The following SH3RF1 variants were observed in gnomAD, a reference collection of about 807,000 sequenced individuals.
The protein encoded by SH3RF1 is SH3 domain containing ring finger 1, also known as E3 ubiquitin-protein ligase SH3RF1.
SH3RF1 carries 32 observed loss-of-function variants against 74.0 expected under a neutral mutation model. The observed-to-expected ratio is 0.43, with a 90% CI of 0.33 to 0.58. SH3RF1 has a LOEUF of 0.58. Among genes scored for constraint, SH3RF1 ranks in the 20% least tolerant of loss-of-function variants. The pLI is 0.05. For synonymous variants in SH3RF1, 396 were observed against 439.6 expected (o/e 0.90, Z 1.24); for missense variants, 954 against 1,130.9 (o/e 0.84, Z 2.24).
At chr4:169,195,981 T>C (rs1217437007) in intron 2 of SH3RF1, among the ~76,000 whole-genome samples, 1 of 152,108 alleles carries the variant, frequency 6.6e-6, no homozygotes, top group Non-Finnish European at 1.5e-5. Flanking sequence ...GACCAGGTAA[T>C]TTTTATATTT....
At chr4:169,260,043 G>A (rs1248049790) in intron 2 of SH3RF1, among the ~76,000 whole-genome samples, 3 of 152,162 alleles carry the variant, frequency 2.0e-5, no homozygotes, top group Non-Finnish European at 4.4e-5. Flanking sequence ...TAAATGGAGT[G>A]AGCGTCTGAC....
At chr4:169,123,189 A>T (rs892435099) in intron 6 of SH3RF1, among the ~76,000 whole-genome samples, 1 of 152,212 alleles carries the variant, frequency 6.6e-6, no homozygotes, top group East Asian at 1.9e-4. Context: ...CATATTAACA[A>T]AATAAAGATC....
chr4:169,129,774 A>G (rs1199345937), intron 6 of SH3RF1, among the ~76,000 whole-genome samples: 1 of 152,236 alleles, frequency 6.6e-6, no homozygotes, highest in Non-Finnish European at 1.5e-5. Context: ...AGCTTCAGAA[A>G]ATCAGGTTGA....
intron 2 of SH3RF1, among the ~76,000 whole-genome samples, chr4:169,209,624 A>G (rs1030768547): frequency 1.2e-4 from 18 of 152,200 alleles, no homozygotes; most frequent in African/African-American, 4.1e-4. Context: ...AGTAAACAAT[A>G]TAAGTTCAAA....
At position 169,096,448 on chromosome 4, in the gene SH3RF1, T is replaced by A; in HGVS notation, c.*71A>T. 1 of 1,524,220 alleles carries A rather than the reference T, an allele frequency of 6.6e-7. No homozygotes were observed. Among genetic ancestry groups the A allele is most frequent in the South Asian group, 1.3e-5 (1 of 79,750 alleles). 94.4% of individuals were successfully genotyped at this position (1,524,220 alleles called of 1,614,324 possible). On this transcript the variant is annotated 3_prime_UTR_variant, in exon 12 of 12. Transcript: ENST00000284637. ...ACCATCTGGAAGTCCACAAATGTGCTCTTTCTGTTAAACTGCTTTGTGCTA... is the reference window on the plus strand; with the variant it reads ...ACCATCTGGAAGTCCACAAATGTGCACTTTCTGTTAAACTGCTTTGTGCTA...
chr4:169,252,041 T>C (rs940587992), intron 2 of SH3RF1, among the ~76,000 whole-genome samples: 2 of 152,212 alleles, frequency 1.3e-5, no homozygotes, highest in African/African-American at 4.8e-5. Context: ...GAGCGAGGAC[T>C]CTGGTATGTT....
chr4:169,139,612 T>A (rs1733751633), intron 4 of SH3RF1, among the ~76,000 whole-genome samples: 2 of 152,218 alleles, frequency 1.3e-5, no homozygotes, highest in Admixed American at 1.3e-4. Context: ...TAGTTATGTG[T>A]CTTTTGGTGG....
intron 2 of SH3RF1, among the ~76,000 whole-genome samples, chr4:169,191,574 C>T (rs1734710956): frequency 6.6e-6 from 1 of 151,976 alleles, no homozygotes; most frequent in Non-Finnish European, 1.5e-5. Context: ...CAAAAAAGAA[C>T]CAATAAAGCC....
Position 169,248,765 on chromosome 4 carries a change from C to T in SH3RF1, c.393+20055G>A, listed in dbSNP as rs181814314. 1.1e-3 allele frequency among the ~76,000 whole-genome samples: 175 copies of T among 152,318 alleles called. 3 individuals carry two copies. The highest frequency in any genetic ancestry group is 0.011 in the Admixed American group (163 of 15,302). On this transcript the variant is annotated intron_variant, in intron 2 of 11. Transcript: ENST00000284637. ...CACCTGGTGGGTGTTTGTGACTATT[C>T]AGACACAGACAACAAAGGCTACTCC...
Position 169,107,199 on chromosome 4 carries a change from T to C in SH3RF1, c.2146A>G (p.Lys716Glu), listed in dbSNP as rs2126938214. 2 of 1,537,400 alleles carry C rather than the reference T, an allele frequency of 1.3e-6. No homozygotes were observed. The highest frequency in any genetic ancestry group is 1.4e-5 in the African/African-American group (1 of 70,728). ...GAAAGCAACTTCAACAAACCCTTTT[T>C]TTCTTTCTGGAAAAAAAAAATAATG... Reference protein sequence around the residue: ...TKPDKDSKKEKKGLLKLLSGA... With the variant: ...TKPDKDSKKEEKGLLKLLSGA... The change falls in exon 11 of 12, where the codon AAA becomes GAA. Residue 716 changes from lysine to glutamate, a missense_variant. Physicochemically the swap from Lys to Glu is moderately conservative, Grantham distance 56. Transcript: ENST00000284637.
Position 169,156,615 on chromosome 4 carries a change from A to C in SH3RF1, c.458T>G (p.Leu153Arg). ...GATGATGTCACCTTTGCTGAATTTA[A>C]GGTCTCCAGGCTCTTTTCCTTCATA... ...YNYEGKEPGD[L>R]KFSKGDIIIL... Residue 153 changes from leucine (L) to arginine (R), a missense_variant, in exon 3 of 12, where the codon CTT (leucine) becomes CGT (arginine). Physicochemically the swap from Leu to Arg is moderately radical, Grantham distance 102. Coordinates refer to ENST00000284637, the MANE Select transcript of SH3RF1 (RefSeq NM_020870.4). 6.2e-7 allele frequency: 1 copy of C among 1,614,052 alleles called. No homozygotes were observed. The highest frequency in any genetic ancestry group is 8.5e-7 in the Non-Finnish European group (1 of 1,179,966).
At chr4:169,098,480 A>T (rs1369136064) in intron 11 of SH3RF1, among the ~76,000 whole-genome samples, 1 of 152,236 alleles carries the variant, frequency 6.6e-6, no homozygotes, top group Non-Finnish European at 1.5e-5. Flanking sequence ...AGACCACAGC[A>T]AGAGTCCCAG....
At chr4:169,264,045 A>G (rs1731316861) in intron 2 of SH3RF1, among the ~76,000 whole-genome samples, 1 of 152,190 alleles carries the variant, frequency 6.6e-6, no homozygotes, top group African/African-American at 2.4e-5. Flanking sequence ...TTGGCAGTGG[A>G]CCGAGAGGCC....
chr4:169,262,707 A>C (rs2110760257), intron 2 of SH3RF1, among the ~76,000 whole-genome samples: 1 of 152,268 alleles, frequency 6.6e-6, no homozygotes, highest in Middle Eastern at 3.4e-3. Flanking sequence ...TGACCCCAGA[A>C]AGCTGTTGTG....
chr4:169,172,259 A>T (rs1452790768), intron 2 of SH3RF1, among the ~76,000 whole-genome samples: 1 of 152,256 alleles, frequency 6.6e-6, no homozygotes, highest in Non-Finnish European at 1.5e-5. Context: ...TAGTAGAAGA[A>T]GGCAGTTATC....
At chr4:169,118,016 A>G (rs1579090481) in intron 8 of SH3RF1, among the ~76,000 whole-genome samples, 2 of 152,358 alleles carry the variant, frequency 1.3e-5, no homozygotes, top group South Asian at 4.2e-4. Flanking sequence ...ACTCTGCTCA[A>G]GAATATACAG....
At chr4:169,155,890 T>C (rs752801434) in intron 3 of SH3RF1, among the ~76,000 whole-genome samples, 65 of 152,110 alleles carry the variant, frequency 4.3e-4, no homozygotes, top group Non-Finnish European at 5.1e-4. Context: ...TTAGATTGAT[T>C]CTCAGATGCT....
At chr4:169,254,284 A>G (rs1014710303) in intron 2 of SH3RF1, among the ~76,000 whole-genome samples, 1 of 152,250 alleles carries the variant, frequency 6.6e-6, no homozygotes, top group African/African-American at 2.4e-5. Context: ...GAAAAGAGGT[A>G]TAAAATTCAA....
chr4:169,264,801 G>A (rs1315264899), intron 2 of SH3RF1, among the ~76,000 whole-genome samples: 1 of 152,132 alleles, frequency 6.6e-6, no homozygotes, highest in African/African-American at 2.4e-5. Context: ...TATCAAATTT[G>A]AGGCCTCATC....
Sources: allele counts gnomAD v4.1 joint callset (sites outside exome capture counted in the v4.1 genomes callset), GRCh38; gene constraint gnomAD v4.1.1; transcripts MANE v1.5; gene names NCBI Gene and HGNC (gene_info 2026-07-23, HGNC 2026-07-21).